COPS8: variants seen among roughly 807,000 people sequenced by gnomAD.
COPS8 encodes COP9 signalosome subunit 8, also known as COP9 signalosome complex subunit 8.
In COPS8, 11 loss-of-function variants were observed where a neutral mutation model predicts 31.5. The observed-to-expected ratio is 0.35, with a 90% CI of 0.22 to 0.58. The LOEUF (loss-of-function observed/expected upper bound fraction) is 0.58. Ranked by LOEUF, COPS8 falls within the 20% of genes least tolerant of loss-of-function variation. The probability of loss-of-function intolerance (pLI) is 0.83; values close to 1 mark genes in which losing one functional copy is unlikely to be tolerated. For synonymous variants in COPS8, 81 were observed against 89.3 expected (o/e 0.91, Z 0.52); for missense variants, 215 against 255.1 (o/e 0.84, Z 1.07).
chr2:237,097,621 G>A (rs1320798310), intron 7 of COPS8, 42 bp from the exon 8 acceptor site: 3 of 1,414,128 alleles, frequency 2.1e-6, no homozygotes, highest in Non-Finnish European at 3.0e-6. Context: ...CTTTGTTACT[G>A]TGGTATGTAA....
chr2:237,097,224 C>CTTTTTTTTTTTTTT (rs996251270), intron 7 of COPS8, among the ~76,000 whole-genome samples: 4 of 95,982 alleles, frequency 4.2e-5, no homozygotes, highest in African/African-American at 7.6e-5. Context: ...TGTGGGTTTT[C>CTTTTTTTTTTTTTT]TTTTTTTTTT....
At chr2:237,088,208 G>A (rs954490351) in intron 2 of COPS8, among the ~76,000 whole-genome samples, 6 of 152,258 alleles carry the variant, frequency 3.9e-5, no homozygotes, top group Admixed American at 2.6e-4. Flanking sequence ...GGCTGTAATC[G>A]GGAGAGAAGT....
At chr2:237,090,292 G>T (rs984694581) in intron 4 of COPS8, among the ~76,000 whole-genome samples, 3 of 152,148 alleles carry the variant, frequency 2.0e-5, no homozygotes, top group African/African-American at 4.8e-5. Flanking sequence ...TAAGTTTAAG[G>T]TATGGGTTTG....
chr2:237,088,028 T>C (rs1696650307), intron 2 of COPS8, among the ~76,000 whole-genome samples: 1 of 152,176 alleles, frequency 6.6e-6, no homozygotes, highest in Non-Finnish European at 1.5e-5. Context: ...TTTAAACTCT[T>C]CCAAAACCTT....
intron 4 of COPS8, among the ~76,000 whole-genome samples, chr2:237,090,242 G>C (rs1007988709): frequency 6.6e-6 from 1 of 151,938 alleles, no homozygotes; most frequent in Non-Finnish European, 1.5e-5. Context: ...AGTTTTAAGA[G>C]TTTTTTTTGC....
At chr2:237,092,001 G>A (rs1320402872) in intron 4 of COPS8, among the ~76,000 whole-genome samples, 1 of 152,246 alleles carries the variant, frequency 6.6e-6, no homozygotes, top group Non-Finnish European at 1.5e-5. Flanking sequence ...GACAGAAGAG[G>A]ATTCGAAAGG....
intron 6 of COPS8, among the ~76,000 whole-genome samples, chr2:237,096,506 G>A (rs763808888): frequency 6.6e-6 from 1 of 152,032 alleles, no homozygotes; most frequent in Non-Finnish European, 1.5e-5. Flanking sequence ...CCATAAACCC[G>A]CCTTCATCCA....
rs555208632 is a variant in COPS8, at chr2:237,089,463, A to G, written c.199-399A>G. 3.9e-5 allele frequency among the ~76,000 whole-genome samples: 6 copies of G among 152,290 alleles called. No homozygotes were observed. The East Asian group carries it at 9.6e-4, about 24-fold the overall frequency. On this transcript the variant is annotated intron_variant, in intron 3 of 7. Coordinates refer to ENST00000354371, the MANE Select transcript of COPS8 (RefSeq NM_006710.5). ...ATGACATCTTAGATTGAGAGTCTCTATTGTTAACCATTTTGCTATTACTTT... is the reference window on the plus strand; with the variant it reads ...ATGACATCTTAGATTGAGAGTCTCTGTTGTTAACCATTTTGCTATTACTTT...
At chr2:237,097,105 A>T (rs1055787573) in intron 7 of COPS8, among the ~76,000 whole-genome samples, 11 of 152,028 alleles carry the variant, frequency 7.2e-5, no homozygotes, top group African/African-American at 1.9e-4. Context: ...TCTTATTCTC[A>T]TGTCAGGGAG....
chr2:237,089,289 C>G (rs951365056), intron 3 of COPS8, among the ~76,000 whole-genome samples: 3 of 151,940 alleles, frequency 2.0e-5, no homozygotes, highest in African/African-American at 2.4e-5. Context: ...AGTATTTTTA[C>G]TCTTTTTTTT....
Position 237,088,602 on chromosome 2 carries a change from T to A in COPS8, c.150-3T>A. On this transcript the variant is annotated splice_polypyrimidine_tract_variant and splice_region_variant and intron_variant, in intron 2 of 7. Coordinates refer to ENST00000354371, the MANE Select transcript of COPS8 (RefSeq NM_006710.5). ...TATTCTTCTTTGTGGTGGCGTAAATTAGGAATAATGCAAGATATCTTTGGA... is the reference window on the plus strand; with the variant it reads ...TATTCTTCTTTGTGGTGGCGTAAATAAGGAATAATGCAAGATATCTTTGGA... 1 of 1,588,446 alleles carries A rather than the reference T, an allele frequency of 6.3e-7. No individual in the cohort carries two copies. Among genetic ancestry groups the A allele is most frequent in the Non-Finnish European group, 8.6e-7 (1 of 1,162,682 alleles).
intron 4 of COPS8, among the ~76,000 whole-genome samples, chr2:237,092,239 T>C (rs967185512): frequency 2.0e-5 from 3 of 152,198 alleles, no homozygotes; most frequent in African/African-American, 7.2e-5. Flanking sequence ...AACTTGAGGA[T>C]CACAGAGTGA....
Position 237,098,615 on chromosome 2 carries a change from T to C in COPS8, c.*873T>C, listed in dbSNP as rs1009114890. The stretch of plus-strand genomic sequence containing the variant: ...AGCCCTCTGAATATTTGAAGTTGTT[T>C]GTTGTAACTTAAGGTTATAACAGCC... On this transcript the variant is annotated 3_prime_UTR_variant, in exon 8 of 8. Transcript: ENST00000354371. The C allele has an allele frequency of 6.6e-6, 1 of 152,368 alleles. No individual in the cohort carries two copies. Among genetic ancestry groups the C allele is most frequent in the African/African-American group, 2.4e-5 (1 of 41,592 alleles). 9.4% of individuals were successfully genotyped at this position (152,368 alleles called of 1,614,324 possible).
In COPS8 at chr2:237,085,940, T is replaced by G. The variant is rs560980640; in HGVS notation, c.-25T>G. 3 of 1,608,256 alleles carry G rather than the reference T, an allele frequency of 1.9e-6. No individual in the cohort carries two copies. The highest frequency in any genetic ancestry group is 3.4e-5 in the Admixed American group (2 of 59,402). On this transcript the variant is annotated 5_prime_UTR_variant, in exon 1 of 8. Coordinates refer to ENST00000354371, the MANE Select transcript of COPS8 (RefSeq NM_006710.5). ...GTCTGGGGTTTGGCTGTCCGGACGG[T>G]GCAGCGGCGAGGCCGGCCGCGAAGA...
Position 237,099,346 on chromosome 2 carries a change from A to T in COPS8, c.*1604A>T, listed in dbSNP as rs1277091440. 1.3e-5 allele frequency: 2 copies of T among 152,176 alleles called. No homozygotes were observed. Among genetic ancestry groups the T allele is most frequent in the Non-Finnish European group, 2.9e-5 (2 of 68,008 alleles). 9.4% of individuals were successfully genotyped at this position (152,176 alleles called of 1,614,324 possible). A position where few individuals can be genotyped will look rare whatever the true frequency, so the allele number is the denominator to read the frequency against. ...TACAAAATGAATATAATAGTTCCCT[A>T]AAGAGGAAGGAGAGGACAGTGAACT... On this transcript the variant is annotated 3_prime_UTR_variant, in exon 8 of 8. Coordinates refer to ENST00000354371, the MANE Select transcript of COPS8 (RefSeq NM_006710.5).
At chr2:237,093,922 C>A in intron 4 of COPS8, 168 bp from the exon 5 acceptor site, 1 of 1,319,088 alleles carries the variant, frequency 7.6e-7, no homozygotes. Flanking sequence ...TATTTGAACC[C>A]CCCGTACATA....
At position 237,098,221 on chromosome 2, in the gene COPS8, C is replaced by G. The variant is rs1347041188; in HGVS notation, c.*479C>G. ...GAACATGCTCTCTTTTCACCCCCCA[C>G]CTCCTGAGAGCCACTAATGTAAGAT... On this transcript the variant is annotated 3_prime_UTR_variant, in exon 8 of 8. Coordinates refer to ENST00000354371, the MANE Select transcript of COPS8 (RefSeq NM_006710.5). 6.5e-6 allele frequency: 1 copy of G among 154,750 alleles called. No individual in the cohort carries two copies. The highest frequency in any genetic ancestry group is 1.4e-5 in the Non-Finnish European group (1 of 69,500). 9.6% of individuals were successfully genotyped at this position (154,750 alleles called of 1,614,324 possible).
chr2:237,093,939 A>G, intron 4 of COPS8, 151 bp from the exon 5 acceptor site: 1 of 1,387,438 alleles, frequency 7.2e-7, no homozygotes, highest in Non-Finnish European at 9.4e-7. Context: ...CATACTGGGC[A>G]TATGTATTTG....
In COPS8 at chr2:237,095,858, C is replaced by T. The variant is rs375150277; in HGVS notation, c.476C>T (p.Thr159Ile). The T allele has an allele frequency of 1.9e-6, 3 of 1,613,212 alleles. No individual in the cohort carries two copies. The highest frequency in any genetic ancestry group is 2.7e-5 in the African/African-American group (2 of 74,902). Reference protein sequence around the residue: ...LEQGWQADSTTRMVLPRKPVA... With the variant: ...LEQGWQADSTIRMVLPRKPVA... ...CAAGGATGGCAAGCTGATTCCACCA[C>T]AAGAATGGTTCTGCCCAGAAAGCCA... The change falls in exon 6 of 8, where the codon ACA becomes ATA. Residue 159 changes from threonine (T) to isoleucine (I), a missense_variant. Physicochemically the swap from Thr to Ile is moderately conservative, Grantham distance 89. Transcript: ENST00000354371.
Sources: allele counts gnomAD v4.1 joint callset (sites outside exome capture counted in the v4.1 genomes callset), GRCh38; gene constraint gnomAD v4.1.1; transcripts MANE v1.5; gene names NCBI Gene and HGNC (gene_info 2026-07-23, HGNC 2026-07-21).